Variants in NALF1 observed in about 807,000 individuals in gnomAD.
NALF1 encodes the protein family with sequence similarity 155 member A.
A neutral mutation model predicts 48.4 loss-of-function variants in NALF1; 3 were observed. The observed-to-expected ratio is 0.06, with a 90% CI of 0.03 to 0.16. The LOEUF is 0.16. Ranked by LOEUF, NALF1 falls within the 10% of genes least tolerant of loss-of-function variation. The pLI is 1.00. For missense variants in NALF1, 526 were observed against 571.5 expected (o/e 0.92, Z 0.81); for synonymous variants, 262 against 245.7 (o/e 1.07, Z -0.62).
chr13:107,357,839 A>G (rs1414520599), intron 1 of NALF1, among the ~76,000 whole-genome samples: 2 of 152,162 alleles, frequency 1.3e-5, no homozygotes, highest in Non-Finnish European at 2.9e-5. Flanking sequence ...TTAATGAATC[A>G]TTTCTTGAGG....
chr13:107,252,033 G>C (rs1269685796), intron 1 of NALF1, among the ~76,000 whole-genome samples: 2 of 152,168 alleles, frequency 1.3e-5, no homozygotes, highest in Non-Finnish European at 2.9e-5. Flanking sequence ...TGCAGAGGGG[G>C]ACTCTGGCAG....
intron 1 of NALF1, among the ~76,000 whole-genome samples, chr13:107,422,647 C>T (rs753707701): frequency 1.5e-4 from 23 of 152,034 alleles, no homozygotes; most frequent in Non-Finnish European, 2.6e-4. Flanking sequence ...ACTTCCTTAT[C>T]TTTGATTCAA....
chr13:107,174,867 C>G (rs1457965366), intron 2 of NALF1, among the ~76,000 whole-genome samples: 1 of 151,370 alleles, frequency 6.6e-6, no homozygotes, highest in Non-Finnish European at 1.5e-5. Flanking sequence ...TTGCTCAGAT[C>G]AACAATCTTT....
At chr13:107,661,488 C>T (rs1438465615) in intron 1 of NALF1, among the ~76,000 whole-genome samples, 1 of 151,934 alleles carries the variant, frequency 6.6e-6, no homozygotes, top group East Asian at 1.9e-4. Flanking sequence ...ACTGGAGTCA[C>T]GTCTTTTGCG....
intron 1 of NALF1, among the ~76,000 whole-genome samples, chr13:107,497,504 G>T (rs77579421): frequency 0.018 from 2,798 of 152,220 alleles, 98 homozygotes; most frequent in African/African-American, 0.064. Flanking sequence ...TGATCACCAG[G>T]TTTATCTGCC....
At chr13:107,455,453 A>C (rs1460467962) in intron 1 of NALF1, among the ~76,000 whole-genome samples, 1 of 152,190 alleles carries the variant, frequency 6.6e-6, no homozygotes, top group Non-Finnish European at 1.5e-5. Context: ...GACCACACCC[A>C]TGTACAACCA....
At chr13:107,507,622 A>AAAG (rs1566370406) in intron 1 of NALF1, among the ~76,000 whole-genome samples, 1 of 129,054 alleles carries the variant, frequency 7.7e-6, no homozygotes. Context: ...AAAAAAAAAA[A>AAAG]GGGGCAAACA....
intron 1 of NALF1, among the ~76,000 whole-genome samples, chr13:107,474,813 G>A (rs961759002): frequency 1.3e-5 from 2 of 152,048 alleles, no homozygotes; most frequent in African/African-American, 4.8e-5. Flanking sequence ...AGTGTATAAT[G>A]TCTGTGCCTG....
At chr13:107,522,262 C>T (rs960922011) in intron 1 of NALF1, among the ~76,000 whole-genome samples, 3 of 152,102 alleles carry the variant, frequency 2.0e-5, no homozygotes, top group Admixed American at 6.6e-5. Flanking sequence ...CTCCCCTACG[C>T]CACTGAAACA....
At chr13:107,332,739 T>G (rs12875100) in intron 1 of NALF1, among the ~76,000 whole-genome samples, 1 of 152,246 alleles carries the variant, frequency 6.6e-6, no homozygotes, top group South Asian at 2.1e-4. Flanking sequence ...GTAGTGGATA[T>G]AGAGCCATTG....
At chr13:107,732,587 A>C (rs922528241) in intron 1 of NALF1, among the ~76,000 whole-genome samples, 1 of 152,158 alleles carries the variant, frequency 6.6e-6, no homozygotes, top group Admixed American at 6.6e-5. Context: ...CAGAAGTTGT[A>C]TGGGAATAAC....
At chr13:107,264,817 C>T (rs1253652588) in intron 1 of NALF1, among the ~76,000 whole-genome samples, 1 of 152,132 alleles carries the variant, frequency 6.6e-6, no homozygotes, top group Non-Finnish European at 1.5e-5. Context: ...ATGTTTTAGA[C>T]TTTGATGGAC....
chr13:107,523,911 G>A (rs761980141), intron 1 of NALF1, among the ~76,000 whole-genome samples: 2 of 151,772 alleles, frequency 1.3e-5, no homozygotes, highest in African/African-American at 2.4e-5. Context: ...AATATAATAA[G>A]GATGCATTTT....
At chr13:107,768,688 T>C (rs1172687899) in intron 1 of NALF1, among the ~76,000 whole-genome samples, 8 of 152,156 alleles carry the variant, frequency 5.3e-5, no homozygotes, top group Non-Finnish European at 1.2e-4. Context: ...ATAACATTAA[T>C]AATGAACAGC....
chr13:107,614,341 G>A lies in NALF1; in HGVS notation c.915+251341C>T, dbSNP rs757539907. ...TAAGTACATGTGTTCTTGTTAAACA[G>A]GCCAGGTGTTGTCTGCATCTGTCTC... On this transcript the variant is annotated intron_variant, in intron 1 of 2. Transcript: ENST00000375915. 1.4e-4 allele frequency among the ~76,000 whole-genome samples: 21 copies of A among 152,162 alleles called. 1 individual carries two copies. Among genetic ancestry groups the A allele is most frequent in the Non-Finnish European group, 2.8e-4 (19 of 68,030 alleles).
At chr13:107,370,701 G>A (rs756981498) in intron 1 of NALF1, among the ~76,000 whole-genome samples, 43 of 152,154 alleles carry the variant, frequency 2.8e-4, no homozygotes, top group Non-Finnish European at 5.1e-4. Context: ...TTCTCATGCT[G>A]CGAACAAAAA....
At chr13:107,688,919 G>C (rs1050157788) in intron 1 of NALF1, among the ~76,000 whole-genome samples, 4 of 152,142 alleles carry the variant, frequency 2.6e-5, no homozygotes, top group African/African-American at 7.2e-5. Flanking sequence ...CAAGAGTCTC[G>C]AAACGGAGGT....
chr13:107,180,385 C>T (rs1324678720), intron 2 of NALF1, among the ~76,000 whole-genome samples: 2 of 151,844 alleles, frequency 1.3e-5, no homozygotes, highest in Non-Finnish European at 2.9e-5. Flanking sequence ...TAAGGAAATC[C>T]TTAGAATAAA....
intron 1 of NALF1, among the ~76,000 whole-genome samples, chr13:107,247,662 T>G (rs951482152): frequency 6.6e-6 from 1 of 152,226 alleles, no homozygotes; most frequent in African/African-American, 2.4e-5. Flanking sequence ...CATGGGGATA[T>G]CTGTTATTTG....
Sources: gnomAD v4.1 joint callset for allele counts (sites outside exome capture counted in the v4.1 genomes callset) on GRCh38, gnomAD v4.1.1 for gene constraint, MANE v1.5 for transcripts, NCBI Gene and HGNC (gene_info 2026-07-23, HGNC 2026-07-21) for gene names.